Variants in UBTD1 observed in about 807,000 individuals in gnomAD.
The protein encoded by UBTD1 is ubiquitin domain containing 1.
Under a neutral mutation model 21.7 loss-of-function variants are expected in UBTD1, and 19 were observed. That is an observed-to-expected ratio of 0.87 (90% CI 0.61 to 1.28). The LOEUF is 1.28. UBTD1 is among the 50% of genes most tolerant of loss of function. The pLI is 0.00. For synonymous variants in UBTD1, 116 were observed against 135.1 expected, an observed-to-expected ratio of 0.86 and a Z score of 0.98; for missense variants, 282 against 315.1, an observed-to-expected ratio of 0.89 and a Z score of 0.80.
chr10:97,550,908 C>A (rs1295461153), intron 1 of UBTD1, among the ~76,000 whole-genome samples: 3 of 152,178 alleles, frequency 2.0e-5, no homozygotes, highest in Non-Finnish European at 4.4e-5. Flanking sequence ...CATCATTATC[C>A]TCCTCCAGCC....
intron 1 of UBTD1, among the ~76,000 whole-genome samples, chr10:97,535,492 G>A (rs1181501185): frequency 6.6e-6 from 1 of 152,144 alleles, no homozygotes; most frequent in Admixed American, 6.5e-5. Context: ...GCATGTGCCT[G>A]TAGTCCCAGC....
intron 1 of UBTD1, among the ~76,000 whole-genome samples, chr10:97,502,305 A>G (rs2040379777): frequency 6.6e-6 from 1 of 152,166 alleles, no homozygotes; most frequent in African/African-American, 2.4e-5. Flanking sequence ...AATTTGGTAC[A>G]AGGGAAGGAA....
At chr10:97,568,246 C>T (rs1434241295) in intron 2 of UBTD1, 105 bp downstream of exon 2, 11 of 1,182,150 alleles carry the variant, frequency 9.3e-6, no homozygotes, top group Admixed American at 2.0e-5. Flanking sequence ...TGGTTACTCA[C>T]GTATTCATTC....
intron 1 of UBTD1, among the ~76,000 whole-genome samples, chr10:97,520,888 C>T (rs1379047847): frequency 6.6e-6 from 1 of 152,212 alleles, no homozygotes; most frequent in Non-Finnish European, 1.5e-5. Flanking sequence ...AGCTGCTAAA[C>T]TGGCCAGCAA....
intron 1 of UBTD1, among the ~76,000 whole-genome samples, chr10:97,563,274 A>C (rs891633999): frequency 6.6e-6 from 1 of 152,208 alleles, no homozygotes; most frequent in African/African-American, 2.4e-5. Context: ...TTTGGGCTCT[A>C]TCCTTGAGTT....
At chr10:97,516,430 G>A (rs985248316) in intron 1 of UBTD1, among the ~76,000 whole-genome samples, 31 of 152,234 alleles carry the variant, frequency 2.0e-4, no homozygotes, top group African/African-American at 5.5e-4. Context: ...GCTGGACCTC[G>A]TTGACTGGGA....
At chr10:97,501,682 C>G (rs1270066222) in intron 1 of UBTD1, among the ~76,000 whole-genome samples, 1 of 152,202 alleles carries the variant, frequency 6.6e-6, no homozygotes, top group African/African-American at 2.4e-5. Flanking sequence ...CAAGGCTGTT[C>G]AAGTGTGGGC....
chr10:97,541,150 G>T (rs2040585181), intron 1 of UBTD1, among the ~76,000 whole-genome samples: 2 of 152,124 alleles, frequency 1.3e-5, no homozygotes, highest in Non-Finnish European at 1.5e-5. Context: ...GTCACACAGG[G>T]TCGTTACAAG....
intron 1 of UBTD1, among the ~76,000 whole-genome samples, chr10:97,539,995 C>G (rs1287939496): frequency 1.3e-5 from 2 of 152,182 alleles, no homozygotes; most frequent in Non-Finnish European, 2.9e-5. Flanking sequence ...AGCCTCTGAC[C>G]ATTTCCGCCC....
intron 1 of UBTD1, among the ~76,000 whole-genome samples, chr10:97,540,414 G>A (rs1296799864): frequency 6.6e-6 from 1 of 152,216 alleles, no homozygotes; most frequent in Non-Finnish European, 1.5e-5. Context: ...TGGGGGTCAG[G>A]ATGGGAGTTC....
chr10:97,525,805 A>C lies in UBTD1; in HGVS notation c.70+26532A>C, dbSNP rs923281099. On this transcript the variant is annotated intron_variant, in intron 1 of 2. Transcript: ENST00000370664. ...CGGGAGAGCAAGGACTTTGTTTTGT[A>C]TGGGTAAATACTGGGTCCTCAAATA... Among the ~76,000 whole-genome samples the C allele has an allele frequency of 1.3e-5, 2 of 152,184 alleles. 1 individual carries two copies. Among genetic ancestry groups the C allele is most frequent in the Middle Eastern group, 6.3e-3 (2 of 316 alleles).
At chr10:97,514,254 C>T (rs890410540) in intron 1 of UBTD1, among the ~76,000 whole-genome samples, 2 of 152,080 alleles carry the variant, frequency 1.3e-5, no homozygotes, top group African/African-American at 4.8e-5. Context: ...TTTCATTACC[C>T]ACTGCATGAG....
At chr10:97,525,280 A>G (rs2040483321) in intron 1 of UBTD1, among the ~76,000 whole-genome samples, 1 of 152,178 alleles carries the variant, frequency 6.6e-6, no homozygotes, top group Non-Finnish European at 1.5e-5. Context: ...CAAAACAGAG[A>G]ATCTCTTTTG....
In UBTD1 at chr10:97,570,037, T is replaced by G; in HGVS notation, c.299-101T>G. 1 of 1,467,784 alleles carries G rather than the reference T, an allele frequency of 6.8e-7. No homozygotes were observed. Among genetic ancestry groups the G allele is most frequent in the Non-Finnish European group, 9.1e-7 (1 of 1,095,014 alleles). 90.9% of individuals were successfully genotyped at this position (1,467,784 alleles called of 1,614,324 possible). ...GCCCCATGTCCAAATACAGTCACATTGGGGGTTAGAGTTTCACCATATGAA... is the reference window on the plus strand; with the variant it reads ...GCCCCATGTCCAAATACAGTCACATGGGGGGTTAGAGTTTCACCATATGAA... On this transcript the variant is annotated intron_variant, in intron 2 of 2. Coordinates refer to ENST00000370664, the MANE Select transcript of UBTD1 (RefSeq NM_024954.5). This position sits in a 1 kb window ranked among gnomAD's most constrained non-coding sequence, Gnocchi z 6.6.
intron 1 of UBTD1, among the ~76,000 whole-genome samples, chr10:97,533,434 C>T (rs545992025): frequency 1.3e-5 from 2 of 152,342 alleles, no homozygotes; most frequent in South Asian, 4.1e-4. Context: ...TCCTGGGTTT[C>T]AGCACCATGG....
chr10:97,509,047 G>T (rs2040410587), intron 1 of UBTD1, among the ~76,000 whole-genome samples: 1 of 152,220 alleles, frequency 6.6e-6, no homozygotes, highest in Non-Finnish European at 1.5e-5. Context: ...CAAAGTGCTT[G>T]CAGAATCAGG....
intron 1 of UBTD1, among the ~76,000 whole-genome samples, chr10:97,565,808 G>A (rs566469285): frequency 1.1e-4 from 16 of 152,042 alleles, no homozygotes; most frequent in Admixed American, 7.9e-4. Flanking sequence ...ACCTTTCTGG[G>A]CTCAGGTGAT....
At chr10:97,512,242 A>C (rs914714811) in intron 1 of UBTD1, among the ~76,000 whole-genome samples, 1 of 152,176 alleles carries the variant, frequency 6.6e-6, no homozygotes, top group African/African-American at 2.4e-5. Context: ...ACAGAGACAC[A>C]CAGAGAGCCA....
At chr10:97,564,465 A>C (rs1490072412) in intron 1 of UBTD1, among the ~76,000 whole-genome samples, 1 of 152,220 alleles carries the variant, frequency 6.6e-6, no homozygotes, top group African/African-American at 2.4e-5. Context: ...CACCTGTTAA[A>C]GGTCTGAATA....
Sources: gnomAD v4.1 joint callset for allele counts (sites outside exome capture counted in the v4.1 genomes callset) on GRCh38, gnomAD v4.1.1 for gene constraint, Gnocchi (gnomAD v3.1) non-coding constraint, MANE v1.5 for transcripts, NCBI Gene and HGNC (gene_info 2026-07-23, HGNC 2026-07-21) for gene names.